CA10: variants seen among roughly 807,000 people sequenced by gnomAD.
CA10 encodes carbonic anhydrase-related protein 10.
CA10 carries 14 observed loss-of-function variants against 44.2 expected under a neutral mutation model. The observed-to-expected ratio is 0.32, with a 90% confidence interval of 0.21 to 0.50. The LOEUF (loss-of-function observed/expected upper bound fraction) is 0.50, where lower values mean the gene tolerates loss of function less well. Ranked by LOEUF, CA10 falls within the 20% of genes least tolerant of loss-of-function variation. CA10 has a pLI of 0.99. For synonymous variants in CA10, 159 were observed against 141.6 expected, an observed-to-expected ratio of 1.12 and a Z score of -0.87; for missense variants, 350 against 409.7, an observed-to-expected ratio of 0.85 and a Z score of 1.26.
chr17:51,999,200 T>A, intron 2 of CA10, among the ~76,000 whole-genome samples: 1 of 152,070 alleles, frequency 6.6e-6, no homozygotes, highest in East Asian at 1.9e-4. Context: ...TCTTGTGCAA[T>A]CACTCCATGA....
chr17:51,987,103 C>T (rs956434620), intron 2 of CA10, among the ~76,000 whole-genome samples: 1 of 152,040 alleles, frequency 6.6e-6, no homozygotes, highest in African/African-American at 2.4e-5. Flanking sequence ...GTGGAACCAA[C>T]CCAAATGCCC....
intron 2 of CA10, among the ~76,000 whole-genome samples, chr17:51,934,879 G>A (rs1463179433): frequency 6.6e-6 from 1 of 152,124 alleles, no homozygotes; most frequent in Non-Finnish European, 1.5e-5. Flanking sequence ...GACCAGACTA[G>A]GTCTGCAAAT....
chr17:52,073,601 T>TG (rs1459316274), intron 1 of CA10, among the ~76,000 whole-genome samples: 2 of 152,138 alleles, frequency 1.3e-5, no homozygotes, highest in African/African-American at 4.8e-5. Context: ...TTTAAGACTC[T>TG]GGAAAAAATA....
At chr17:52,068,021 G>C (rs949991605) in intron 2 of CA10, among the ~76,000 whole-genome samples, 1 of 152,226 alleles carries the variant, frequency 6.6e-6, no homozygotes, top group South Asian at 2.1e-4. Flanking sequence ...TTGCAGGACA[G>C]TTGGGTAGGC....
At chr17:52,143,114 G>T (rs1295920243) in intron 1 of CA10, among the ~76,000 whole-genome samples, 1 of 151,916 alleles carries the variant, frequency 6.6e-6, no homozygotes, top group Non-Finnish European at 1.5e-5. Context: ...TAAAATATTT[G>T]TAAATTTAAA....
chr17:51,964,921 A>T (rs1228343960), intron 2 of CA10, among the ~76,000 whole-genome samples: 1 of 151,910 alleles, frequency 6.6e-6, no homozygotes, highest in East Asian at 1.9e-4. Context: ...AACTGAAAGA[A>T]ATTGAGACCC....
Position 51,635,843 on chromosome 17 carries a change from A to AG in CA10, c.789+11dup, listed in dbSNP as rs774028617. 2.6e-6 allele frequency: 4 copies of AG among 1,557,370 alleles called. No individual in the cohort carries two copies. Among genetic ancestry groups the AG allele is most frequent in the Middle Eastern group, 3.5e-4 (2 of 5,782 alleles). On this transcript the variant is annotated intron_variant, in intron 7 of 8. Transcript: ENST00000451037. ...TCTTCTCCATTAGCTAAATGACCAG[A>AG]GAGAAACTCACCTGCATCCTGGTTA...
At chr17:51,963,795 C>T (rs1157152081) in intron 2 of CA10, among the ~76,000 whole-genome samples, 1 of 152,076 alleles carries the variant, frequency 6.6e-6, no homozygotes, top group Non-Finnish European at 1.5e-5. Flanking sequence ...ATTAATGACA[C>T]CTGCTACCAT....
chr17:51,674,665 G>A (rs553689925), intron 4 of CA10, among the ~76,000 whole-genome samples: 50 of 152,212 alleles, frequency 3.3e-4, no homozygotes, highest in African/African-American at 1.1e-3. Flanking sequence ...TTTTCTCACC[G>A]CAGTGGTGTG....
intron 3 of CA10, among the ~76,000 whole-genome samples, chr17:51,916,360 T>C (rs942535479): frequency 1.3e-5 from 2 of 152,204 alleles, no homozygotes; most frequent in Non-Finnish European, 2.9e-5. Context: ...AGAAAGAAGA[T>C]TGATATGGTT....
intron 3 of CA10, among the ~76,000 whole-genome samples, chr17:51,751,029 G>A (rs1161573019): frequency 1.3e-5 from 2 of 152,162 alleles, no homozygotes; most frequent in Admixed American, 6.5e-5. Context: ...GCGACCTAGG[G>A]TAGTTTACTG....
intron 2 of CA10, among the ~76,000 whole-genome samples, chr17:52,070,695 A>G (rs774030267): frequency 2.4e-4 from 36 of 152,258 alleles, no homozygotes; most frequent in Non-Finnish European, 4.9e-4. Flanking sequence ...GTAAGGGGAC[A>G]ATAAAAATTA....
chr17:51,881,320 A>C (rs1980365294), intron 3 of CA10, among the ~76,000 whole-genome samples: 1 of 151,960 alleles, frequency 6.6e-6, no homozygotes, highest in African/African-American at 2.4e-5. Flanking sequence ...TTACGGATAT[A>C]AAAAACCATA....
chr17:52,037,907 C>G (rs969997953), intron 2 of CA10, among the ~76,000 whole-genome samples: 15 of 151,878 alleles, frequency 9.9e-5, no homozygotes, highest in African/African-American at 3.4e-4. Context: ...TCTTGCCCAC[C>G]TACTACTATC....
At chr17:52,108,560 C>G (rs149716004) in intron 1 of CA10, among the ~76,000 whole-genome samples, 1 of 151,578 alleles carries the variant, frequency 6.6e-6, no homozygotes, top group East Asian at 1.9e-4. Context: ...ATTAGCTGGG[C>G]GTGGTGGTGT....
intron 3 of CA10, among the ~76,000 whole-genome samples, chr17:51,854,989 C>T (rs1468583292): frequency 6.6e-6 from 1 of 152,134 alleles, no homozygotes; most frequent in African/African-American, 2.4e-5. Flanking sequence ...AGAGTCAGTG[C>T]TCTGATGCTG....
At chr17:52,105,176 A>G (rs1598217014) in intron 1 of CA10, among the ~76,000 whole-genome samples, 1 of 113,622 alleles carries the variant, frequency 8.8e-6, no homozygotes, top group East Asian at 5.3e-4. Context: ...TCCTACATGC[A>G]TTAAAGCTTC....
In CA10 at chr17:51,861,543, GTT is replaced by G. The variant is rs370260672; in HGVS notation, c.279+69445_279+69446del. Among the ~76,000 whole-genome samples the G allele has an allele frequency of 1.9e-3, 255 of 137,598 alleles. 1 individual carries two copies. The highest frequency in any genetic ancestry group is 6.1e-3 in the African/African-American group (235 of 38,618). 90.3% of individuals were successfully genotyped at this position (137,598 alleles called of 152,430 possible). A position where few individuals can be genotyped will look rare whatever the true frequency, so the allele number is the denominator to read the frequency against. ...AACTAGGTCACTATTGCAGATGTGT[GTT>G]TTTTTTTTTTTTAATGAGATGATTT... On this transcript the variant is annotated intron_variant, in intron 3 of 8. Transcript: ENST00000451037.
chr17:51,747,999 CT>C (rs1904764628), intron 3 of CA10, among the ~76,000 whole-genome samples, 181 bp from the exon 4 acceptor site: 1 of 152,136 alleles, frequency 6.6e-6, no homozygotes, highest in Non-Finnish European at 1.5e-5. Flanking sequence ...ATGGTAATTT[CT>C]GTGAGGCATA....
Sources: allele counts gnomAD v4.1 joint callset (sites outside exome capture counted in the v4.1 genomes callset), GRCh38; gene constraint gnomAD v4.1.1; transcripts MANE v1.5; gene names NCBI Gene and HGNC (gene_info 2026-07-23, HGNC 2026-07-21).